The following TDRD1 variants were observed in gnomAD, a reference collection of about 807,000 sequenced individuals.
TDRD1 encodes tudor domain containing 1.
A neutral mutation model predicts 140.6 loss-of-function variants in TDRD1; 37 were observed. The ratio of observed to expected loss-of-function variants is 0.26; its 90% confidence interval spans 0.20 to 0.35. TDRD1 has a LOEUF of 0.35. Ranked by LOEUF, TDRD1 falls within the 10% of genes least tolerant of loss-of-function variation. The pLI is 1.00. For missense variants in TDRD1, 1,243 were observed against 1,393.0 expected (o/e 0.89, Z 1.71); for synonymous variants, 506 against 475.7 (o/e 1.06, Z -0.83).
intron 1 of TDRD1, among the ~76,000 whole-genome samples, chr10:114,180,756 G>T (rs1346587401): frequency 6.6e-6 from 1 of 152,202 alleles, no homozygotes; most frequent in South Asian, 2.1e-4. Flanking sequence ...GAGCCACAGC[G>T]CCCAGCCAAA....
chr10:114,194,229 C>T (rs1310593098), intron 3 of TDRD1, among the ~76,000 whole-genome samples: 3 of 151,924 alleles, frequency 2.0e-5, no homozygotes, highest in Non-Finnish European at 4.4e-5. Context: ...GAGAAGTGTC[C>T]CCTCTTGTGT....
At chr10:114,184,965 GA>G in intron 1 of TDRD1, among the ~76,000 whole-genome samples, 1 of 151,918 alleles carries the variant, frequency 6.6e-6, no homozygotes, top group East Asian at 1.9e-4. Flanking sequence ...ACTCAGTGTT[GA>G]AAAAAAGGAA....
rs778171133 is a variant in TDRD1, at chr10:114,188,161, GT to G, written c.325+6del. On this transcript the variant is annotated splice_donor_region_variant and intron_variant, in intron 2 of 25. Transcript: ENST00000251864. ...ACAGGAAAAAATTGCCAGCAGGTGA[GT>G]GAAAACCACAGGCTTCCTACTTCTT... is the stretch of plus-strand genomic sequence containing the variant. 1 of 1,563,330 alleles carries G rather than the reference GT, an allele frequency of 6.4e-7. No homozygotes were observed. The highest frequency in any genetic ancestry group is 2.2e-5 in the East Asian group (1 of 44,550).
chr10:114,203,988 C>T (rs1278042171), intron 8 of TDRD1, 85 bp from the exon 9 acceptor site: 7 of 1,494,244 alleles, frequency 4.7e-6, no homozygotes, highest in South Asian at 3.8e-5. Context: ...TTCCTTTGCA[C>T]GTTCTATAGA....
intron 6 of TDRD1, among the ~76,000 whole-genome samples, 189 bp downstream of exon 6, chr10:114,202,487 G>T (rs2034818409): frequency 6.6e-6 from 1 of 151,968 alleles, no homozygotes. Context: ...TTTCAAAAAG[G>T]ATGTGGCAGT....
chr10:114,178,932 T>C (rs935720234), upstream of TDRD1, among the ~76,000 whole-genome samples: 3 of 150,674 alleles, frequency 2.0e-5, no homozygotes, highest in South Asian at 6.3e-4. Context: ...TATAATCACA[T>C]GCCCTCAGTC....
chr10:114,214,916 T>C (rs1469856169), intron 16 of TDRD1, among the ~76,000 whole-genome samples: 1 of 151,998 alleles, frequency 6.6e-6, no homozygotes, highest in African/African-American at 2.4e-5. Flanking sequence ...TTTTTTTTTG[T>C]ATTTTTAATA....
rs1226137498 is a variant in TDRD1, at chr10:114,227,906, T to G, written c.3404-4T>G. Reference sequence around the variant, plus strand: ...CTAATGGCTTATTTTTCTTGTGCTTTTAGAAAAGATGTATAGGATGAATTG... The same window carrying G: ...CTAATGGCTTATTTTTCTTGTGCTTGTAGAAAAGATGTATAGGATGAATTG... On this transcript the variant is annotated splice_polypyrimidine_tract_variant and splice_region_variant and intron_variant, in intron 23 of 25. Coordinates refer to ENST00000251864, the Ensembl canonical transcript of TDRD1. 6.2e-7 allele frequency: 1 copy of G among 1,612,862 alleles called. No homozygotes were observed. Among genetic ancestry groups the G allele is most frequent in the Non-Finnish European group, 8.5e-7 (1 of 1,179,206 alleles).
chr10:114,199,348 C>A (rs1447840936), intron 4 of TDRD1, 31 bp downstream of exon 4: 2 of 1,562,796 alleles, frequency 1.3e-6, no homozygotes, highest in Non-Finnish European at 1.7e-6. Flanking sequence ...TGTCTGAATT[C>A]TTCTTCCACA....
At chr10:114,181,553 T>C (rs1446772250) in intron 1 of TDRD1, among the ~76,000 whole-genome samples, 1 of 152,192 alleles carries the variant, frequency 6.6e-6, no homozygotes, top group African/African-American at 2.4e-5. Context: ...ACTGGTGTTT[T>C]GTAATGTTAA....
At chr10:114,182,055 A>G (rs1367056897) in intron 1 of TDRD1, among the ~76,000 whole-genome samples, 4 of 152,182 alleles carry the variant, frequency 2.6e-5, no homozygotes, top group Non-Finnish European at 5.9e-5. Context: ...AGTACTGGCC[A>G]CCTGCTCCAA....
chr10:114,191,252 G>A (rs2033942632), intron 3 of TDRD1, among the ~76,000 whole-genome samples: 1 of 152,156 alleles, frequency 6.6e-6, no homozygotes, highest in African/African-American at 2.4e-5. Context: ...ATGTTAACAT[G>A]CTGCAAAACT....
chr10:114,188,420 A>C (rs1378625858), intron 2 of TDRD1, among the ~76,000 whole-genome samples: 1 of 152,118 alleles, frequency 6.6e-6, no homozygotes, highest in Non-Finnish European at 1.5e-5. Flanking sequence ...GAAAGGAAAC[A>C]CTCTGGCTTT....
intron 21 of TDRD1, 24 bp downstream of exon 21, chr10:114,222,727 T>C (rs1450195596): frequency 7.5e-7 from 1 of 1,325,292 alleles, no homozygotes; most frequent in Non-Finnish European, 1.1e-6. Context: ...AGGGAAAATA[T>C]TTGAGGGAAG....
At chr10:114,218,637 A>G in intron 18 of TDRD1, 53 bp downstream of exon 18, 1 of 1,262,058 alleles carries the variant, frequency 7.9e-7, no homozygotes. Flanking sequence ...GGGGCATATA[A>G]TCCAAGTGTT....
rs368107924 is a variant in TDRD1, at chr10:114,230,607, A to G, written c.3539-879A>G. On this transcript the variant is annotated intron_variant, in intron 25 of 25. Coordinates refer to ENST00000251864, the Ensembl canonical transcript of TDRD1. ...AACTTCCCTGAGCTGCTACGTGTAC[A>G]GTATCCTTTTAGATCAGATCAGTTA... Among the ~76,000 whole-genome samples, 4 of 152,346 alleles carry G rather than the reference A, an allele frequency of 2.6e-5. No individual in the cohort carries two copies. The East Asian group carries it at 7.7e-4, about 29-fold the overall frequency.
intron 10 of TDRD1, among the ~76,000 whole-genome samples, chr10:114,205,678 T>A (rs1364850503): frequency 1.3e-5 from 2 of 152,190 alleles, no homozygotes; most frequent in African/African-American, 4.8e-5. Flanking sequence ...TTAAAATTTC[T>A]GTCAAATAGA....
chr10:114,221,240 A>T, intron 19 of TDRD1, 117 bp from the exon 20 acceptor site: 1 of 1,056,422 alleles, frequency 9.5e-7, no homozygotes, highest in Non-Finnish European at 1.4e-6. Flanking sequence ...TATTTTGGGG[A>T]TTTGGAAATG....
intron 7 of TDRD1, 34 bp from the exon 8 acceptor site, chr10:114,203,354 A>G: frequency 6.4e-7 from 1 of 1,554,502 alleles, no homozygotes; most frequent in Non-Finnish European, 8.7e-7. Flanking sequence ...TGTGTGCCTT[A>G]TGAATTATTC....
Sources: gnomAD v4.1 joint callset for allele counts (sites outside exome capture counted in the v4.1 genomes callset) on GRCh38, gnomAD v4.1.1 for gene constraint, MANE v1.5 for transcripts, NCBI Gene and HGNC (gene_info 2026-07-23, HGNC 2026-07-21) for gene names.